Variants in MKLN1 observed in about 807,000 individuals in gnomAD.
MKLN1 encodes muskelin 1.
A neutral mutation model predicts 99.0 loss-of-function variants in MKLN1; 18 were observed. The ratio of observed to expected loss-of-function variants is 0.18; its 90% CI spans 0.13 to 0.27. MKLN1 has a LOEUF of 0.27. MKLN1 is among the 10% of genes least tolerant of loss of function. The probability of loss-of-function intolerance (pLI) is 1.00; values close to 1 mark genes in which losing one functional copy is unlikely to be tolerated. For missense variants in MKLN1, 621 were observed against 875.9 expected (o/e 0.71, Z 3.67); for synonymous variants, 288 against 293.2 (o/e 0.98, Z 0.18).
At chr7:131,133,820 G>GTTTTTTT (rs1563226583) in intron 1 of MKLN1, among the ~76,000 whole-genome samples, 3 of 24,074 alleles carry the variant, frequency 1.2e-4, no homozygotes, top group African/African-American at 1.5e-4. Flanking sequence ...TTTTAATTTG[G>GTTTTTTT]TTTTTTTTTT....
chr7:131,450,895 A>T (rs1350759554), intron 12 of MKLN1, among the ~76,000 whole-genome samples: 1 of 152,206 alleles, frequency 6.6e-6, no homozygotes, highest in Non-Finnish European at 1.5e-5. Context: ...CAAAACCTAT[A>T]CAAAGATCAG....
chr7:131,427,681 ATAGTTGGGATTACAGGTGCCCGTCAC>A (rs1795397383), intron 8 of MKLN1, among the ~76,000 whole-genome samples: 1 of 151,946 alleles, frequency 6.6e-6, no homozygotes, highest in Non-Finnish European at 1.5e-5. Context: ...AGCCTCCCGA[ATAGTTGGGATTACAGGTGCCCGTCAC>A]CACACCTGCC....
intron 1 of MKLN1, among the ~76,000 whole-genome samples, chr7:131,361,977 C>A (rs186484879): frequency 1.3e-5 from 2 of 152,078 alleles, no homozygotes; most frequent in East Asian, 3.9e-4. Context: ...ATAGTTTATT[C>A]ATTAGTAGTT....
chr7:131,291,568 A>G (rs1330659684), intron 3 of MKLN1, among the ~76,000 whole-genome samples: 2 of 104,228 alleles, frequency 1.9e-5, no homozygotes, highest in African/African-American at 7.2e-5. Context: ...CACAGAATAC[A>G]GCTTTCATTT....
intron 10 of MKLN1, among the ~76,000 whole-genome samples, chr7:131,441,242 A>G (rs565713394): frequency 6.6e-6 from 1 of 152,146 alleles, no homozygotes; most frequent in Non-Finnish European, 1.5e-5. Flanking sequence ...AGGTTTGTAG[A>G]AGGGAGGGTG....
chr7:131,256,806 A>G (rs1797664454), intron 3 of MKLN1, among the ~76,000 whole-genome samples: 1 of 152,176 alleles, frequency 6.6e-6, no homozygotes, highest in Admixed American at 6.5e-5. Flanking sequence ...AAAAGGGTGG[A>G]GGGAGGGAGG....
intron 3 of MKLN1, among the ~76,000 whole-genome samples, chr7:131,317,306 T>C (rs1280822812): frequency 1.3e-5 from 2 of 152,162 alleles, no homozygotes; most frequent in African/African-American, 4.8e-5. Context: ...ATATTCAACA[T>C]TCTTAAAGAA....
intron 12 of MKLN1, among the ~76,000 whole-genome samples, chr7:131,454,509 C>T (rs1796278538): frequency 6.6e-6 from 1 of 152,134 alleles, no homozygotes; most frequent in African/African-American, 2.4e-5. Context: ...TTAAAATGTC[C>T]CAACTTTCAA....
intron 1 of MKLN1, among the ~76,000 whole-genome samples, chr7:131,117,666 T>G (rs1795298881): frequency 1.3e-5 from 2 of 152,176 alleles, no homozygotes; most frequent in Admixed American, 6.5e-5. Context: ...AAAAACATTA[T>G]TTGTGGGGAG....
chr7:131,482,553 T>C (rs530274254), intron 17 of MKLN1, among the ~76,000 whole-genome samples: 2 of 152,196 alleles, frequency 1.3e-5, no homozygotes, highest in African/African-American at 2.4e-5. Context: ...TTATTTCTCC[T>C]TTACCACAAG....
chr7:131,145,438 C>T (rs146985593), intron 2 of MKLN1, among the ~76,000 whole-genome samples: 16 of 152,150 alleles, frequency 1.1e-4, no homozygotes, highest in African/African-American at 3.6e-4. Context: ...AGAAATGTAA[C>T]GTTCGAGAGG....
intron 3 of MKLN1, among the ~76,000 whole-genome samples, chr7:131,299,064 A>C (rs916233005): frequency 2.0e-5 from 3 of 152,100 alleles, no homozygotes; most frequent in African/African-American, 7.2e-5. Context: ...TGAGTGCACA[A>C]ATTTGTTATT....
chr7:131,197,268 G>A (rs1796660952), intron 2 of MKLN1, among the ~76,000 whole-genome samples: 1 of 151,704 alleles, frequency 6.6e-6, no homozygotes, highest in Non-Finnish European at 1.5e-5. Context: ...CAGTGGCACA[G>A]TCATGGCTCT....
intron 1 of MKLN1, among the ~76,000 whole-genome samples, chr7:131,373,134 A>G (rs1793522121): frequency 6.6e-6 from 1 of 152,066 alleles, no homozygotes; most frequent in Admixed American, 6.6e-5. Flanking sequence ...GAAAAGTTAC[A>G]TTAATTTGCA....
At chr7:131,414,092 T>TACATTAC (rs1794950184) in intron 7 of MKLN1, among the ~76,000 whole-genome samples, 2 of 152,180 alleles carry the variant, frequency 1.3e-5, no homozygotes, top group Non-Finnish European at 2.9e-5. Context: ...TTATACATTA[T>TACATTAC]ACAAAGTTAT....
chr7:131,333,072 C>T (rs983462670), intron 1 of MKLN1, among the ~76,000 whole-genome samples: 5 of 152,048 alleles, frequency 3.3e-5, no homozygotes, highest in Non-Finnish European at 7.4e-5. Context: ...TACAGGCGTG[C>T]ACCACCACGT....
intron 1 of MKLN1, among the ~76,000 whole-genome samples, chr7:131,139,275 A>G (rs1795696193): frequency 6.6e-6 from 1 of 152,118 alleles, no homozygotes. Flanking sequence ...TCCGTACAGC[A>G]TCATTGTGGC....
intron 2 of MKLN1, among the ~76,000 whole-genome samples, chr7:131,157,922 G>C (rs1255307139): frequency 6.6e-6 from 1 of 152,138 alleles, no homozygotes; most frequent in Non-Finnish European, 1.5e-5. Context: ...AGCCTATTAA[G>C]GAATGAGCAA....
intron 3 of MKLN1, among the ~76,000 whole-genome samples, chr7:131,247,745 A>G (rs1261076816): frequency 6.6e-6 from 1 of 152,202 alleles, no homozygotes; most frequent in Admixed American, 6.5e-5. Context: ...TTTCTATAGT[A>G]GAAGTTATTA....
Sources: gnomAD v4.1 joint callset for allele counts (sites outside exome capture counted in the v4.1 genomes callset) on GRCh38, gnomAD v4.1.1 for gene constraint, MANE v1.5 for transcripts, NCBI Gene and HGNC (gene_info 2026-07-23, HGNC 2026-07-21) for gene names.